ZER1: variants seen among roughly 807,000 people sequenced by gnomAD.
ZER1 encodes zyg-11 related cell cycle regulator, also known as protein zer-1 homolog.
Under a neutral mutation model 78.8 loss-of-function variants are expected in ZER1, and 11 were observed. The ratio of observed to expected loss-of-function variants is 0.14; its 90% CI spans 0.09 to 0.23. The LOEUF is 0.23. ZER1 is among the 10% of genes least tolerant of loss of function. The pLI, the probability that ZER1 is intolerant of heterozygous loss-of-function variation, is 1.00. For missense variants in ZER1, 588 were observed against 996.9 expected (o/e 0.59, Z 5.52); for synonymous variants, 400 against 407.0 (o/e 0.98, Z 0.21).
rs1433819103 is a variant in ZER1 at position 128,751,371 on chromosome 9, C to T, written c.1038+42G>A. ...CCAGAATCCAGCTCCTTCTCTCTCC[C>T]AAGGCTCCCTGGCCCAGACCCATCC... On this transcript the variant is annotated intron_variant, in intron 6 of 15. Coordinates refer to ENST00000291900, the MANE Select transcript of ZER1 (RefSeq NM_006336.4). This position sits in a 1 kb window ranked among gnomAD's most constrained non-coding sequence, Gnocchi z 5.4. 1 of 1,613,514 alleles carries T rather than the reference C, an allele frequency of 6.2e-7. No homozygotes were observed.
rs951208561 is a variant in ZER1, at chr9:128,764,847, T to A, written c.-95+6734A>T. Among the ~76,000 whole-genome samples the A allele has an allele frequency of 2.6e-5, 4 of 152,196 alleles. No homozygotes were observed. In the East Asian group the frequency reaches 7.7e-4, roughly 29 times the overall value. ...ACCGACCACCACACTGGGAGAACCCTGTGTCTTTCTCCATCCCTTTTCTTG... is the reference window on the plus strand; with the variant it reads ...ACCGACCACCACACTGGGAGAACCCAGTGTCTTTCTCCATCCCTTTTCTTG... On this transcript the variant is annotated intron_variant, in intron 1 of 15. Coordinates refer to ENST00000291900, the MANE Select transcript of ZER1 (RefSeq NM_006336.4).
rs1863263202 is a variant in ZER1 at position 128,740,696 on chromosome 9, G to A, written c.1853+76C>T. 2.7e-6 allele frequency: 2 copies of A among 732,920 alleles called. No individual in the cohort carries two copies. The highest frequency in any genetic ancestry group is 2.0e-5 in the Admixed American group (1 of 50,498). The allele number at this position is 732,920 out of a possible 1,614,324, so 45.4% of individuals were successfully genotyped here. A position where few individuals can be genotyped will look rare whatever the true frequency, so the allele number is the denominator to read the frequency against. On this transcript the variant is annotated intron_variant, in intron 12 of 15. Coordinates refer to ENST00000291900, the MANE Select transcript of ZER1 (RefSeq NM_006336.4). This position sits in a 1 kb window ranked among gnomAD's most constrained non-coding sequence, Gnocchi z 4.4. The stretch of plus-strand genomic sequence containing the variant: ...TAGCAAACCTAGGCTAAGAGCAGTT[G>A]TGCAACTGAGCAAACGCTAGAGCTC...
chr9:128,759,734 G>A (rs1323987276), intron 1 of ZER1, among the ~76,000 whole-genome samples: 1 of 152,058 alleles, frequency 6.6e-6, no homozygotes, highest in Non-Finnish European at 1.5e-5. Context: ...GGCGGAGCTT[G>A]CAGTGACCCA....
intron 7 of ZER1, 79 bp from the exon 8 acceptor site, chr9:128,750,868 C>A: frequency 1.9e-6 from 3 of 1,575,924 alleles, no homozygotes; most frequent in Non-Finnish European, 2.6e-6. Flanking sequence ...AACAGGCTCT[C>A]TGGGGCAAGG....
In ZER1 at chr9:128,732,687, T is replaced by C. The variant is rs1862872499; in HGVS notation, c.2243+739A>G. 6.6e-6 allele frequency among the ~76,000 whole-genome samples: 1 copy of C among 152,126 alleles called. No homozygotes were observed. Among genetic ancestry groups the C allele is most frequent in the Admixed American group, 6.6e-5 (1 of 15,260 alleles). On this transcript the variant is annotated intron_variant, in intron 15 of 15. Coordinates refer to ENST00000291900, the MANE Select transcript of ZER1 (RefSeq NM_006336.4). The surrounding 1 kb of genome is among the most constrained non-coding windows in gnomAD (Gnocchi z 4.8). ...GGCCAGTAGCGCCTTTGGCCAGATA[T>C]AATAGCAGAACCAGCTGACACTTCC...
At chr9:128,734,156 T>A in intron 14 of ZER1, among the ~76,000 whole-genome samples, 1 of 61,392 alleles carries the variant, frequency 1.6e-5, no homozygotes, top group Non-Finnish European at 3.6e-5. Flanking sequence ...TATATATATA[T>A]ATATATAAAA....
chr9:128,739,699 G>C (rs534302063), intron 13 of ZER1, among the ~76,000 whole-genome samples: 1 of 152,074 alleles, frequency 6.6e-6, no homozygotes, highest in East Asian at 1.9e-4. Flanking sequence ...GCAGGCTTTG[G>C]GTACATGCAG....
chr9:128,739,326 A>G (rs1863207587), intron 13 of ZER1, among the ~76,000 whole-genome samples: 1 of 150,248 alleles, frequency 6.7e-6, no homozygotes, highest in Non-Finnish European at 1.5e-5. Context: ...CACGGTGAAA[A>G]CTCGTCTCTA....
At chr9:128,765,836 C>A (rs1191908001) in intron 1 of ZER1, among the ~76,000 whole-genome samples, 1 of 152,140 alleles carries the variant, frequency 6.6e-6, no homozygotes, top group Non-Finnish European at 1.5e-5. Flanking sequence ...CCACCTGGCT[C>A]TGAAAAGTCT....
In ZER1 at chr9:128,751,139, G is replaced by A; in HGVS notation, c.1168C>T (p.Leu390=). 1 of 1,597,272 alleles carries A rather than the reference G, an allele frequency of 6.3e-7. No individual in the cohort carries two copies. The highest frequency in any genetic ancestry group is 8.6e-7 in the Non-Finnish European group (1 of 1,168,410). Residue 390 remains leucine (L), a synonymous_variant, in exon 7 of 16, where the codon CTG becomes TTG. Transcript: ENST00000291900. This position sits in a 1 kb window ranked among gnomAD's most constrained non-coding sequence, Gnocchi z 5.4. ...GAGCTGACCTTCAGGGCCCGCAGCAGCTGGTTGCAACGCTCGATGCGGGCG... is the reference window on the plus strand; with the variant it reads ...GAGCTGACCTTCAGGGCCCGCAGCAACTGGTTGCAACGCTCGATGCGGGCG... The part of the protein sequence containing the change: ...DIARIERCNQ[L]LRALKLVITA...
rs758006207 is a variant in ZER1 at position 128,753,890 on chromosome 9, G to A, written c.228C>T (p.Asp76=). Residue 76 remains aspartate (D), a synonymous_variant, in exon 3 of 16, where the codon GAC becomes GAT. Coordinates refer to ENST00000291900, the MANE Select transcript of ZER1 (RefSeq NM_006336.4). The surrounding 1 kb of genome is among the most constrained non-coding windows in gnomAD (Gnocchi z 7.5). ...PHESFFSLFS[D]PRSTRLTRIH... ...TCCGCGTGAGGCGGGTGCTGCGGGG[G>A]TCCGAAAAGAGGCTGAAGAAGCTCT... 1.9e-6 allele frequency: 3 copies of A among 1,600,690 alleles called. No individual in the cohort carries two copies. The highest frequency in any genetic ancestry group is 2.6e-6 in the Non-Finnish European group (3 of 1,174,126).
Position 128,742,656 on chromosome 9 carries a change from G to A in ZER1, c.1449C>T (p.Leu483=). The A allele has an allele frequency of 6.2e-7, 1 of 1,614,252 alleles. No individual in the cohort carries two copies. The highest frequency in any genetic ancestry group is 8.5e-7 in the Non-Finnish European group (1 of 1,180,052). Residue 483 remains leucine (L), a synonymous_variant, in exon 9 of 16, where the codon CTC becomes CTT. Transcript: ENST00000291900. ...FQYRRVNELL[L]SILNPTRQDE... ...CCTGCCGCGTGGGGTTGAGGATGCT[G>A]AGCAGGAGCTCGTTGACCCGGCGGT... is the stretch of plus-strand genomic sequence containing the variant.
At position 128,771,249 on chromosome 9, in the gene ZER1, C is replaced by G. The variant is rs549982362; in HGVS notation, c.-95+332G>C. ...TCCCTTTTGGGAGCTGATCCAGAAT[C>G]CAAGTCGTCCTTGAGCTTCTAAGCA... On this transcript the variant is annotated intron_variant, in intron 1 of 15. Transcript: ENST00000291900. Among the ~76,000 whole-genome samples, 6 of 152,302 alleles carry G rather than the reference C, an allele frequency of 3.9e-5. No individual in the cohort carries two copies. The South Asian group carries it at 1.2e-3, about 32-fold the overall frequency.
intron 13 of ZER1, 82 bp from the exon 14 acceptor site, chr9:128,735,513 G>A (rs1863036052): frequency 7.4e-7 from 1 of 1,354,668 alleles, no homozygotes. Flanking sequence ...CCTCCCACTG[G>A]AGAATCCTAG....
chr9:128,740,652 C>T lies in ZER1; in HGVS notation c.1853+120G>A, dbSNP rs541291952. ...TTGAATGAATAAGAAACCACATTATCGAGGGAAAATGACATTTATAGCAAA... is the reference window on the plus strand; with the variant it reads ...TTGAATGAATAAGAAACCACATTATTGAGGGAAAATGACATTTATAGCAAA... On this transcript the variant is annotated intron_variant, in intron 12 of 15. Transcript: ENST00000291900. The surrounding 1 kb of genome is among the most constrained non-coding windows in gnomAD (Gnocchi z 4.4). The T allele has an allele frequency of 9.8e-6, 6 of 614,080 alleles. No homozygotes were observed. The highest frequency in any genetic ancestry group is 5.5e-5 in the African/African-American group (3 of 54,120). The allele number at this position is 614,080 out of a possible 1,614,324, so 38.0% of individuals were successfully genotyped here. A position where few individuals can be genotyped will look rare whatever the true frequency, so the allele number is the denominator to read the frequency against.
chr9:128,737,317 G>T (rs2132398247), intron 13 of ZER1, among the ~76,000 whole-genome samples: 2 of 152,134 alleles, frequency 1.3e-5, no homozygotes, highest in South Asian at 2.1e-4. Flanking sequence ...GCCTTCTGTG[G>T]GCCAGCCTGG....
At chr9:128,770,113 T>C (rs1864337075) in intron 1 of ZER1, among the ~76,000 whole-genome samples, 1 of 151,940 alleles carries the variant, frequency 6.6e-6, no homozygotes, top group African/African-American at 2.4e-5. Context: ...CAGTCCCCCA[T>C]CCTCCCACTG....
intron 1 of ZER1, among the ~76,000 whole-genome samples, chr9:128,768,995 G>C (rs1213460914): frequency 6.6e-6 from 1 of 151,728 alleles, no homozygotes; most frequent in Non-Finnish European, 1.5e-5. Context: ...CTCCAGACTG[G>C]TCTCAAACTC....
At chr9:128,770,742 G>A (rs368629489) in intron 1 of ZER1, among the ~76,000 whole-genome samples, 6 of 152,226 alleles carry the variant, frequency 3.9e-5, no homozygotes, top group African/African-American at 7.2e-5. Context: ...ATAGCCTCCC[G>A]TGACCCTTTT....
Sources: gnomAD v4.1 joint callset for allele counts (sites outside exome capture counted in the v4.1 genomes callset) on GRCh38, gnomAD v4.1.1 for gene constraint, Gnocchi (gnomAD v3.1) non-coding constraint, MANE v1.5 for transcripts, NCBI Gene and HGNC (gene_info 2026-07-23, HGNC 2026-07-21) for gene names.